The following COL5A2 variants were observed in gnomAD, a reference collection of about 807,000 sequenced individuals.
The protein encoded by COL5A2 is collagen type V alpha 2 chain, also known as collagen alpha-2(V) chain.
COL5A2 carries 23 observed loss-of-function variants against 208.2 expected under a neutral mutation model. That is an observed-to-expected ratio of 0.11 (90% confidence interval 0.08 to 0.16). COL5A2 has a LOEUF of 0.16. COL5A2 is among the 10% of genes least tolerant of loss of function. COL5A2 has a pLI of 1.00. For synonymous variants in COL5A2, 625 were observed against 628.5 expected, an observed-to-expected ratio of 0.99 and a Z score of 0.08; for missense variants, 1,590 against 1,956.4, an observed-to-expected ratio of 0.81 and a Z score of 3.53.
intron 30 of COL5A2, 62 bp from the exon 31 acceptor site, chr2:189,060,845 T>A (rs2105584945): frequency 1.6e-6 from 2 of 1,233,486 alleles, no homozygotes; most frequent in Non-Finnish European, 2.4e-6. Context: ...CTACCAGTGT[T>A]AACAGTTTAC....
At chr2:189,321,836 A>G in the COL5A2 span, among the ~76,000 whole-genome samples, 3 of 152,222 alleles carry the variant, frequency 2.0e-5, no homozygotes, top group Non-Finnish European at 4.4e-5. Flanking sequence ...CCTAATAGAC[A>G]TCTACAGAAC....
chr2:189,053,162 A>T, intron 38 of COL5A2, 144 bp from the exon 39 acceptor site: 1 of 785,156 alleles, frequency 1.3e-6, no homozygotes, highest in Non-Finnish European at 2.0e-6. Context: ...AAGGAAAAAA[A>T]GTACTCTGAT....
At chr2:189,269,258 T>C in the COL5A2 span, among the ~76,000 whole-genome samples, 1 of 152,108 alleles carries the variant, frequency 6.6e-6, no homozygotes, top group Non-Finnish European at 1.5e-5. Flanking sequence ...AAACCTTCCT[T>C]CAAAAATCTC....
At chr2:189,292,832 T>C in the COL5A2 span, among the ~76,000 whole-genome samples, 16 of 152,100 alleles carry the variant, frequency 1.1e-4, no homozygotes, top group Non-Finnish European at 2.1e-4. Flanking sequence ...CTATTCACAA[T>C]AGCAAAGACT....
At chr2:189,049,618 C>T (rs544904530) in intron 43 of COL5A2, among the ~76,000 whole-genome samples, 164 bp from the exon 44 acceptor site, 1 of 152,258 alleles carries the variant, frequency 6.6e-6, no homozygotes, top group South Asian at 2.1e-4. Flanking sequence ...TAGAGGCCTG[C>T]CCACCTCCTA....
chr2:189,438,493 A>G, the COL5A2 span, among the ~76,000 whole-genome samples: 2 of 152,238 alleles, frequency 1.3e-5, no homozygotes, highest in Non-Finnish European at 1.5e-5. Flanking sequence ...AAATAGCCAT[A>G]CAATGGAATA....
At chr2:189,279,606 C>A in the COL5A2 span, among the ~76,000 whole-genome samples, 1 of 149,168 alleles carries the variant, frequency 6.7e-6, no homozygotes, top group African/African-American at 2.5e-5. Context: ...AAAAGTAAAT[C>A]AAAACAAAAT....
the COL5A2 span, among the ~76,000 whole-genome samples, chr2:189,330,824 G>A: frequency 6.6e-6 from 1 of 152,258 alleles, no homozygotes; most frequent in Non-Finnish European, 1.5e-5. Context: ...GAAGTAGTGT[G>A]CCATTTTCTT....
the COL5A2 span, among the ~76,000 whole-genome samples, chr2:189,397,125 G>C: frequency 1.3e-5 from 2 of 152,148 alleles, no homozygotes; most frequent in African/African-American, 4.8e-5. Flanking sequence ...TGGATATGGG[G>C]AACTTTGGAA....
chr2:189,152,189 A>T (rs1251127163), intron 1 of COL5A2, among the ~76,000 whole-genome samples: 1 of 152,188 alleles, frequency 6.6e-6, no homozygotes, highest in Admixed American at 6.5e-5. Flanking sequence ...TACATTTTTT[A>T]GATATGGAAC....
At chr2:189,378,221 G>A in the COL5A2 span, among the ~76,000 whole-genome samples, 1 of 151,872 alleles carries the variant, frequency 6.6e-6, no homozygotes. Flanking sequence ...TTACATTAAG[G>A]ATATGAGGCA....
chr2:189,097,841 A>G (rs955739407), intron 5 of COL5A2, among the ~76,000 whole-genome samples: 7 of 152,224 alleles, frequency 4.6e-5, no homozygotes, highest in Non-Finnish European at 1.5e-5. Context: ...CTCTTAGCCT[A>G]CTACAGTACT....
chr2:189,165,699 C>G (rs1008715207), intron 1 of COL5A2, among the ~76,000 whole-genome samples: 1 of 152,062 alleles, frequency 6.6e-6, no homozygotes, highest in East Asian at 1.9e-4. Context: ...AGTCTGGACC[C>G]AAAGATGTGA....
chr2:189,227,960 G>T (rs1689439893), upstream of COL5A2, among the ~76,000 whole-genome samples: 1 of 151,854 alleles, frequency 6.6e-6, no homozygotes, highest in Admixed American at 6.6e-5. Flanking sequence ...TAATTTATAA[G>T]ATTGAAATCA....
intron 1 of COL5A2, among the ~76,000 whole-genome samples, chr2:189,197,945 G>A (rs1016961082): frequency 5.9e-5 from 9 of 151,632 alleles, no homozygotes; most frequent in Middle Eastern, 3.2e-3. Context: ...CGCCTCCCAG[G>A]TTCACGCCAT....
At chr2:189,265,249 A>G in the COL5A2 span, among the ~76,000 whole-genome samples, 1 of 152,172 alleles carries the variant, frequency 6.6e-6, no homozygotes, top group African/African-American at 2.4e-5. Context: ...GATTTACCAG[A>G]TTAACATAAA....
chr2:189,056,299 G>A (rs1255605286), intron 35 of COL5A2, among the ~76,000 whole-genome samples: 1 of 152,134 alleles, frequency 6.6e-6, no homozygotes, highest in African/African-American at 2.4e-5. Context: ...AGAAAATGAT[G>A]GATGTTTAAG....
At chr2:189,053,999 A>C in intron 36 of COL5A2, 51 bp from the exon 37 acceptor site, 1 of 1,552,742 alleles carries the variant, frequency 6.4e-7, no homozygotes, top group Admixed American at 1.7e-5. Flanking sequence ...GCTAAACATA[A>C]TTTTAGGACA....
At chr2:189,216,157 A>T (rs1484321963) in intron 1 of COL5A2, among the ~76,000 whole-genome samples, 1 of 152,210 alleles carries the variant, frequency 6.6e-6, no homozygotes, top group Non-Finnish European at 1.5e-5. Context: ...AAAGCAAGTC[A>T]AATTAATTGT....
Sources: gnomAD v4.1 joint callset for allele counts (sites outside exome capture counted in the v4.1 genomes callset) on GRCh38, gnomAD v4.1.1 for gene constraint, MANE v1.5 for transcripts, NCBI Gene and HGNC (gene_info 2026-07-23, HGNC 2026-07-21) for gene names.